The following BCL11B variants were observed in gnomAD, a reference collection of about 807,000 sequenced individuals.
The protein encoded by BCL11B is B-cell lymphoma/leukemia 11B.
In BCL11B, 8 loss-of-function variants were observed where a neutral mutation model predicts 49.9. That is an observed-to-expected ratio of 0.16 (90% CI 0.09 to 0.29). BCL11B has a LOEUF of 0.29. Among genes scored for constraint, BCL11B ranks in the 10% least tolerant of loss-of-function variants. The pLI is 1.00. For missense variants in BCL11B, 1,006 were observed against 1,351.0 expected, an observed-to-expected ratio of 0.74 and a Z score of 4.00; for synonymous variants, 739 against 637.4, an observed-to-expected ratio of 1.16 and a Z score of -2.40.
Position 99,192,117 on chromosome 14 carries a change from T to G in BCL11B, c.641-15922A>C, listed in dbSNP as rs1397953486. On this transcript the variant is annotated intron_variant, in intron 3 of 3. Coordinates refer to ENST00000357195, the MANE Select transcript of BCL11B (RefSeq NM_138576.4). The surrounding 1 kb of genome is among the most constrained non-coding windows in gnomAD (Gnocchi z 4.0). The stretch of plus-strand genomic sequence containing the variant: ...TCACTGGAGTGATTCTTCTTAGTTG[T>G]AGAAACACTCCAAATCAGAAAGTCA... Among the ~76,000 whole-genome samples the G allele has an allele frequency of 6.6e-6, 1 of 152,202 alleles. No individual in the cohort carries two copies. Among genetic ancestry groups the G allele is most frequent in the Non-Finnish European group, 1.5e-5 (1 of 68,034 alleles).
At chr14:99,221,131 C>T (rs769203845) in intron 3 of BCL11B, among the ~76,000 whole-genome samples, 16 of 152,322 alleles carry the variant, frequency 1.1e-4, no homozygotes, top group Middle Eastern at 3.4e-3. Flanking sequence ...GCTGGGATTA[C>T]AGGCGTGAGC....
chr14:99,225,910 G>C (rs1445800292), intron 3 of BCL11B, among the ~76,000 whole-genome samples: 5 of 151,244 alleles, frequency 3.3e-5, no homozygotes, highest in Admixed American at 3.3e-4. Flanking sequence ...TCCCCCAACT[G>C]GGGGGCTTGC....
chr14:99,222,955 T>C (rs1017921694), intron 3 of BCL11B, among the ~76,000 whole-genome samples: 2 of 152,212 alleles, frequency 1.3e-5, no homozygotes, highest in African/African-American at 2.4e-5. Flanking sequence ...AATACAACAT[T>C]TTCAAGTTTC....
rs1158474632 is a variant in BCL11B at position 99,173,856 on chromosome 14, T to A, written c.*295A>T. Reference sequence around the variant, plus strand: ...TACCCAACAAAATCTCTTAAAGGAATTCAAACAGAAAAAATAATAATAAAA... The same window carrying A: ...TACCCAACAAAATCTCTTAAAGGAAATCAAACAGAAAAAATAATAATAAAA... On this transcript the variant is annotated 3_prime_UTR_variant, in exon 4 of 4. Transcript: ENST00000357195. The A allele has an allele frequency of 2.4e-6, 1 of 421,402 alleles. No individual in the cohort carries two copies. Among genetic ancestry groups the A allele is most frequent in the East Asian group, 4.2e-5 (1 of 24,058 alleles). The allele number at this position is 421,402 out of a possible 1,614,324, so 26.1% of individuals were successfully genotyped here.
At chr14:99,260,857 C>G (rs1016297340) in intron 1 of BCL11B, among the ~76,000 whole-genome samples, 1 of 152,066 alleles carries the variant, frequency 6.6e-6, no homozygotes, top group Non-Finnish European at 1.5e-5. Flanking sequence ...TTGGCGTCCC[C>G]GAGACAGCCC....
In BCL11B at chr14:99,174,184, G is replaced by T; in HGVS notation, c.2652C>A (p.Asn884Lys). 1 of 1,613,458 alleles carries T rather than the reference G, an allele frequency of 6.2e-7. No homozygotes were observed. Among genetic ancestry groups the T allele is most frequent in the Non-Finnish European group, 8.5e-7 (1 of 1,179,996 alleles). Residue 884 changes from asparagine to lysine, a missense_variant, in exon 4 of 4, where the codon AAC (asparagine) becomes AAA (lysine). Transcript: ENST00000357195. ...KKWHGEHLLT[N>K]DVKIEQAERS ...TCTCGGCCTGCTCGATTTTGACGTC[G>T]TTAGTCAGCAAGTGCTCGCCGTGCC... is the stretch of plus-strand genomic sequence containing the variant.
At chr14:99,189,526 A>G (rs957499883) in intron 3 of BCL11B, among the ~76,000 whole-genome samples, 2 of 152,232 alleles carry the variant, frequency 1.3e-5, no homozygotes, top group African/African-American at 4.8e-5. Flanking sequence ...ACTAATGTCG[A>G]CAAGGAGTTA....
chr14:99,187,306 G>C (rs2139787600), intron 3 of BCL11B, among the ~76,000 whole-genome samples: 1 of 152,356 alleles, frequency 6.6e-6, no homozygotes, highest in East Asian at 1.9e-4. Flanking sequence ...GTCATCTGCA[G>C]CATTTGTGAA....
At chr14:99,222,836 C>CCTTTCTTTCTTTCTTTCTTTCTTT (rs34988198) in intron 3 of BCL11B, among the ~76,000 whole-genome samples, 123 of 151,410 alleles carry the variant, frequency 8.1e-4, no homozygotes, top group African/African-American at 2.9e-3. Context: ...TCTTTATTTC[C>CCTTTCTTTCTTTCTTTCTTTCTTT]CTTTCTTTCT....
chr14:99,170,270 A>C lies in BCL11B; in HGVS notation c.*3881T>G, dbSNP rs1232747413. The stretch of plus-strand genomic sequence containing the variant: ...TCCCATTCCCTCCCCCCTTTTTTTT[A>C]ACTTTGCAAAGGTAAGTGGCAAGGA... On this transcript the variant is annotated 3_prime_UTR_variant, in exon 4 of 4. Coordinates refer to ENST00000357195, the MANE Select transcript of BCL11B (RefSeq NM_138576.4). The C allele has an allele frequency of 4.6e-6, 1 of 219,214 alleles. No homozygotes were observed. Among genetic ancestry groups the C allele is most frequent in the East Asian group, 6.7e-5 (1 of 14,836 alleles). 13.6% of individuals were successfully genotyped at this position (219,214 alleles called of 1,614,324 possible). A position where few individuals can be genotyped will look rare whatever the true frequency, so the allele number is the denominator to read the frequency against.
At chr14:99,258,608 A>C (rs1302309264) in intron 1 of BCL11B, among the ~76,000 whole-genome samples, 1 of 152,236 alleles carries the variant, frequency 6.6e-6, no homozygotes, top group Non-Finnish European at 1.5e-5. Context: ...CTTAGGAGAA[A>C]GCACTGCAGC....
rs1280849265 is a variant in BCL11B, at chr14:99,272,157, G to A, written c.-939C>T. Among the ~76,000 whole-genome samples, 2 of 152,130 alleles carry A rather than the reference G, an allele frequency of 1.3e-5. No homozygotes were observed. Among genetic ancestry groups the A allele is most frequent in the African/African-American group, 4.8e-5 (2 of 41,442 alleles). On this transcript the variant is annotated 5_prime_UTR_variant, in exon 1 of 4. Coordinates refer to ENST00000357195, the MANE Select transcript of BCL11B (RefSeq NM_138576.4). The surrounding 1 kb of genome is among the most constrained non-coding windows in gnomAD (Gnocchi z 6.0). Reference sequence around the variant, plus strand: ...CTATAGATTGCAACGTGAAGATGGCGGAGTCCGGGTTCTCTGGGAGCTCTC... The same window carrying A: ...CTATAGATTGCAACGTGAAGATGGCAGAGTCCGGGTTCTCTGGGAGCTCTC...
intron 2 of BCL11B, among the ~76,000 whole-genome samples, chr14:99,236,775 C>T (rs929295195): frequency 8.5e-5 from 13 of 152,152 alleles, no homozygotes; most frequent in African/African-American, 2.7e-4. Context: ...TGAGGAAAAG[C>T]GCCCTCCACC....
intron 2 of BCL11B, among the ~76,000 whole-genome samples, chr14:99,233,008 T>C (rs1322974475): frequency 6.6e-6 from 1 of 151,898 alleles, no homozygotes; most frequent in Non-Finnish European, 1.5e-5. Flanking sequence ...GGGCCCAGGG[T>C]ATTTCTGAGC....
chr14:99,229,802 C>T (rs1294686257), intron 3 of BCL11B, among the ~76,000 whole-genome samples: 1 of 152,074 alleles, frequency 6.6e-6, no homozygotes, highest in Non-Finnish European at 1.5e-5. Flanking sequence ...GCCGAGGCTG[C>T]AGCGCTAATG....
intron 3 of BCL11B, among the ~76,000 whole-genome samples, chr14:99,178,047 G>A (rs772795015): frequency 1.3e-5 from 2 of 152,104 alleles, no homozygotes; most frequent in Admixed American, 6.5e-5. Context: ...CCAAGACATC[G>A]CATGCCTGCA....
Position 99,175,362 on chromosome 14 carries a change from G to C in BCL11B, c.1474C>G (p.Leu492Val). The C allele has an allele frequency of 6.3e-7, 1 of 1,575,924 alleles. No individual in the cohort carries two copies. Among genetic ancestry groups the C allele is most frequent in the Non-Finnish European group, 8.6e-7 (1 of 1,165,952 alleles). The change falls in exon 4 of 4, where the codon CTC becomes GTC. Residue 492 changes from leucine (L) to valine (V), a missense_variant. Around this residue, in one of 6 missense-constraint regions of BCL11B, gnomAD observed 443 missense variants for 499.7 expected, o/e 0.89. Coordinates refer to ENST00000357195, the MANE Select transcript of BCL11B (RefSeq NM_138576.4). ...GSLAGRSDDG[L>V]SAASSPEPGT... Reference sequence around the variant, plus strand: ...GGCTCGGGGGAGCTGGCGGCCGAGAGCCCGTCGTCGGAGCGGCCGGCCAGC... The same window carrying C: ...GGCTCGGGGGAGCTGGCGGCCGAGACCCCGTCGTCGGAGCGGCCGGCCAGC...
chr14:99,257,456 C>A lies in BCL11B; in HGVS notation c.427+15G>T. 2 of 1,570,386 alleles carry A rather than the reference C, an allele frequency of 1.3e-6. No individual in the cohort carries two copies. The highest frequency in any genetic ancestry group is 8.7e-7 in the Non-Finnish European group (1 of 1,152,726). On this transcript the variant is annotated intron_variant, in intron 2 of 3. Coordinates refer to ENST00000357195, the MANE Select transcript of BCL11B (RefSeq NM_138576.4). The surrounding 1 kb of genome is among the most constrained non-coding windows in gnomAD (Gnocchi z 6.2). ...GTGGCTTCCACAGCAACCAGGCAAG[C>A]GCAGCATCCCATACCTGCAATGTTC...
rs1302029647 is a variant in BCL11B at position 99,232,870 on chromosome 14, A to G, written c.428-1313T>C. Among the ~76,000 whole-genome samples the G allele has an allele frequency of 6.6e-6, 1 of 152,172 alleles. No individual in the cohort carries two copies. Among genetic ancestry groups the G allele is most frequent in the African/African-American group, 2.4e-5 (1 of 41,442 alleles). On this transcript the variant is annotated intron_variant, in intron 2 of 3. Coordinates refer to ENST00000357195, the MANE Select transcript of BCL11B (RefSeq NM_138576.4). The surrounding 1 kb of genome is among the most constrained non-coding windows in gnomAD (Gnocchi z 5.1). ...ATGGGTTATCCAGGATCAAGGCATC[A>G]GGGCATTTAAGAAGACCCCCTGCTT... is the stretch of plus-strand genomic sequence containing the variant.
Sources: allele counts gnomAD v4.1 joint callset (sites outside exome capture counted in the v4.1 genomes callset), GRCh38; gene constraint gnomAD v4.1.1; regional missense constraint gnomAD v4.1.1; non-coding constraint Gnocchi (gnomAD v3.1); transcripts MANE v1.5; gene names NCBI Gene and HGNC (gene_info 2026-07-23, HGNC 2026-07-21).